Variants in HPD observed in about 807,000 individuals in gnomAD.
HPD encodes the protein 4-hydroxyphenylpyruvate dioxygenase, also known as 4-hydroxyphenylpyruvic acid oxidase.
In HPD, 35 loss-of-function variants were observed where a neutral mutation model predicts 56.9. The ratio of observed to expected loss-of-function variants is 0.62; its 90% CI spans 0.47 to 0.82. HPD has a LOEUF of 0.82. HPD is among the 40% of genes least tolerant of loss of function. The pLI, the probability that HPD is intolerant of heterozygous loss-of-function variation, is 0.00. For missense variants in HPD, 442 were observed against 506.8 expected, an observed-to-expected ratio of 0.87 and a Z score of 1.23; for synonymous variants, 186 against 200.2, an observed-to-expected ratio of 0.93 and a Z score of 0.60.
At chr12:121,884,891 T>C in the HPD span, among the ~76,000 whole-genome samples, 1 of 152,070 alleles carries the variant, frequency 6.6e-6, no homozygotes, top group Non-Finnish European at 1.5e-5. Flanking sequence ...CAAATATATA[T>C]CTCTTTCTTT....
the HPD span, among the ~76,000 whole-genome samples, chr12:121,869,269 G>C: frequency 6.6e-6 from 1 of 151,206 alleles, no homozygotes; most frequent in Non-Finnish European, 1.5e-5. Context: ...AGAATCGCTT[G>C]AACCTGGGAG....
At chr12:121,842,661 C>T (rs1877444961) in intron 12 of HPD, among the ~76,000 whole-genome samples, 1 of 151,810 alleles carries the variant, frequency 6.6e-6, no homozygotes, top group African/African-American at 2.4e-5. Context: ...AACTCCTGAC[C>T]TCAAGTGATC....
chr12:121,883,181 TGTGTGTGTGTG>T, the HPD span, among the ~76,000 whole-genome samples: 52 of 2,300 alleles, frequency 0.023, no homozygotes, highest in African/African-American at 0.035. Flanking sequence ...GAGCATAAGT[TGTGTGTGTGTG>T]TGTGTGTGTG....
At chr12:121,846,782 C>A in intron 11 of HPD, 80 bp downstream of exon 11, 1 of 1,370,426 alleles carries the variant, frequency 7.3e-7, no homozygotes, top group South Asian at 1.2e-5. Context: ...AGGACTGCCG[C>A]CACCCGCCCT....
Position 121,847,051 on chromosome 12 carries a change from C to T in HPD, c.759+1G>A. 1.2e-6 allele frequency: 2 copies of T among 1,614,158 alleles called. No homozygotes were observed. The highest frequency in any genetic ancestry group is 1.7e-6 in the Non-Finnish European group (2 of 1,180,032). On this transcript the variant is annotated splice_donor_variant, in intron 10 of 13. Coordinates refer to ENST00000289004, the MANE Select transcript of HPD (RefSeq NM_002150.3). LOFTEE classifies it high-confidence loss of function. ...TCTCCCCCAGCCAGGGGCGGCCTCA[C>T]CTGGATCTGGGACTTCTTCTTGCCA...
chr12:121,879,863 G>A, the HPD span, among the ~76,000 whole-genome samples: 6 of 152,042 alleles, frequency 3.9e-5, no homozygotes, highest in Non-Finnish European at 8.8e-5. Context: ...AGCTATACTG[G>A]GTGGGGCCAG....
At chr12:121,865,265 T>C (rs1450956878), upstream of HPD, among the ~76,000 whole-genome samples, 13 of 22,834 alleles carry the variant, frequency 5.7e-4, no homozygotes, top group Admixed American at 4.2e-3. Context: ...GACACTCTCT[T>C]TCTTTCTTTC....
upstream of HPD, among the ~76,000 whole-genome samples, chr12:121,863,812 A>T (rs190835009): frequency 6.6e-6 from 1 of 151,976 alleles, no homozygotes; most frequent in East Asian, 1.9e-4. Flanking sequence ...AAAAGGGTGG[A>T]GAGTTATATA....
At chr12:121,884,730 C>G in the HPD span, among the ~76,000 whole-genome samples, 1 of 152,094 alleles carries the variant, frequency 6.6e-6, no homozygotes, top group African/African-American at 2.4e-5. Context: ...TTTAAACTCA[C>G]AGAAAAGTTC....
At chr12:121,848,773 T>A (rs1040493137) in intron 9 of HPD, among the ~76,000 whole-genome samples, 4 of 151,648 alleles carry the variant, frequency 2.6e-5, no homozygotes, top group Non-Finnish European at 5.9e-5. Flanking sequence ...GCCCACTGAG[T>A]TTTTATATTT....
chr12:121,853,592 A>G (rs557201145), intron 7 of HPD, among the ~76,000 whole-genome samples: 20 of 149,550 alleles, frequency 1.3e-4, no homozygotes, highest in Non-Finnish European at 2.5e-4. Flanking sequence ...ACTGCACTCC[A>G]GCCTGGGCGA....
chr12:121,858,377 G>A (rs1189575378), intron 2 of HPD, among the ~76,000 whole-genome samples: 1 of 152,104 alleles, frequency 6.6e-6, no homozygotes, highest in East Asian at 1.9e-4. Flanking sequence ...TAGAGACGGG[G>A]TTTCCTCATG....
At chr12:121,879,060 G>A in the HPD span, among the ~76,000 whole-genome samples, 1 of 152,096 alleles carries the variant, frequency 6.6e-6, no homozygotes, top group Non-Finnish European at 1.5e-5. Flanking sequence ...TGAGGCGGGT[G>A]TATCGCCTGA....
the HPD span, among the ~76,000 whole-genome samples, chr12:121,879,745 A>G: frequency 6.6e-6 from 1 of 152,324 alleles, no homozygotes; most frequent in Admixed American, 6.5e-5. Flanking sequence ...GATACATATG[A>G]TTTGATACTT....
intron 12 of HPD, among the ~76,000 whole-genome samples, chr12:121,840,469 T>C (rs759654903): frequency 6.6e-6 from 1 of 151,992 alleles, no homozygotes; most frequent in Non-Finnish European, 1.5e-5. Flanking sequence ...CCCGGCTAAT[T>C]TTTGTATTTT....
chr12:121,847,463 C>G (rs980884459), intron 9 of HPD, among the ~76,000 whole-genome samples: 2 of 151,990 alleles, frequency 1.3e-5, no homozygotes, highest in African/African-American at 4.8e-5. Context: ...GGCTCAATTG[C>G]TCCTCCCACC....
At chr12:121,871,864 A>G in the HPD span, among the ~76,000 whole-genome samples, 1 of 151,934 alleles carries the variant, frequency 6.6e-6, no homozygotes, top group Admixed American at 6.6e-5. Flanking sequence ...GGACCGTAGG[A>G]TGTCCTCTGT....
At chr12:121,879,370 AAAAGT>A in the HPD span, among the ~76,000 whole-genome samples, 1 of 152,020 alleles carries the variant, frequency 6.6e-6, no homozygotes, top group Non-Finnish European at 1.5e-5. Flanking sequence ...AAGAGGAAAA[AAAAGT>A]AAAGAAAACA....
rs762138842 is a variant in HPD at position 121,854,416 on chromosome 12, T to C, written c.414+287A>G. Among the ~76,000 whole-genome samples, 4 of 152,146 alleles carry C rather than the reference T, an allele frequency of 2.6e-5. No homozygotes were observed. In the South Asian group the frequency reaches 6.2e-4, roughly 24 times the overall value. ...TATGCCCAAAGTCACACAGCTCGTG[T>C]GGGAACTGATGTCCCCAGACCCCAT... On this transcript the variant is annotated intron_variant, in intron 7 of 13. Coordinates refer to ENST00000289004, the MANE Select transcript of HPD (RefSeq NM_002150.3).
Sources: allele counts gnomAD v4.1 joint callset (sites outside exome capture counted in the v4.1 genomes callset), GRCh38; gene constraint gnomAD v4.1.1; transcripts MANE v1.5; gene names NCBI Gene and HGNC (gene_info 2026-07-23, HGNC 2026-07-21).